HIC2: variants seen among roughly 807,000 people sequenced by gnomAD.
HIC2 encodes the protein HIC ZBTB transcriptional repressor 2.
A neutral mutation model predicts 39.5 loss-of-function variants in HIC2; 2 were observed. The observed-to-expected ratio is 0.05, with a 90% CI of 0.02 to 0.16. The LOEUF is 0.16. Among genes scored for constraint, HIC2 ranks in the 10% least tolerant of loss-of-function variants. HIC2 has a pLI of 1.00. For missense variants in HIC2, 713 were observed against 863.5 expected (o/e 0.83, Z 2.18); for synonymous variants, 399 against 368.8 (o/e 1.08, Z -0.94).
chr22:21,447,062 G>A lies in HIC2; in HGVS notation c.*319G>A, dbSNP rs962600065. 4 of 348,872 alleles carry A rather than the reference G, an allele frequency of 1.1e-5. No individual in the cohort carries two copies. Among genetic ancestry groups the A allele is most frequent in the Non-Finnish European group, 2.1e-5 (4 of 189,856 alleles). The allele number at this position is 348,872 out of a possible 1,614,324, so 21.6% of individuals were successfully genotyped here. A position where few individuals can be genotyped will look rare whatever the true frequency, so the allele number is the denominator to read the frequency against. ...GGACCTGGTCCCTTTGTTGCAGGCGGCTTGGAGAAAGGGCAGTGGGACGCT... is the reference window on the plus strand; with the variant it reads ...GGACCTGGTCCCTTTGTTGCAGGCGACTTGGAGAAAGGGCAGTGGGACGCT... On this transcript the variant is annotated 3_prime_UTR_variant, in exon 3 of 3. Transcript: ENST00000407464.
rs941902692 is a variant in HIC2 at position 21,448,945 on chromosome 22, T to C, written c.*2202T>C. The C allele has an allele frequency of 6.5e-6, 1 of 152,774 alleles. No homozygotes were observed. The highest frequency in any genetic ancestry group is 2.4e-5 in the African/African-American group (1 of 41,446). 9.5% of individuals were successfully genotyped at this position (152,774 alleles called of 1,614,324 possible). ...CAAAGTCTGTACCGCACGGGAAATG[T>C]TCACGCGCCTGGCCGTGTGCATGGC... is the stretch of plus-strand genomic sequence containing the variant. On this transcript the variant is annotated 3_prime_UTR_variant, in exon 3 of 3. Coordinates refer to ENST00000407464, the MANE Select transcript of HIC2 (RefSeq NM_015094.3).
chr22:21,421,681 T>C (rs1377641004), intron 1 of HIC2, among the ~76,000 whole-genome samples: 3 of 96,164 alleles, frequency 3.1e-5, no homozygotes, highest in African/African-American at 5.6e-5. Flanking sequence ...GGCACCGGTT[T>C]TTTGTGAGGT....
rs1377695631 is a variant in HIC2, at chr22:21,431,982, A to G, written c.-73-10777A>G. On this transcript the variant is annotated intron_variant, in intron 1 of 2. Transcript: ENST00000407464. ...CAAGACCCTGTCTCCAAACAATCAC[A>G]AAACTTCCAATGGATGCCGAACGTA... is the stretch of plus-strand genomic sequence containing the variant. Among the ~76,000 whole-genome samples the G allele has an allele frequency of 1.4e-5, 2 of 139,700 alleles. 1 individual carries two copies. Among genetic ancestry groups the G allele is most frequent in the East Asian group, 5.3e-4 (2 of 3,806 alleles). The allele number at this position is 139,700 out of a possible 152,430, so 91.6% of individuals were successfully genotyped here.
Position 21,450,334 on chromosome 22 carries a change from C to T in HIC2, c.*3591C>T, listed in dbSNP as rs1924104843. 6.5e-6 allele frequency: 1 copy of T among 152,862 alleles called. No individual in the cohort carries two copies. The highest frequency in any genetic ancestry group is 2.1e-4 in the South Asian group (1 of 4,836). 9.5% of individuals were successfully genotyped at this position (152,862 alleles called of 1,614,324 possible). ...CTGTGAAATGAACGATCCGGACCCTCACCAACTTTCCCCACCTCAGGCAGC... is the reference window on the plus strand; with the variant it reads ...CTGTGAAATGAACGATCCGGACCCTTACCAACTTTCCCCACCTCAGGCAGC... On this transcript the variant is annotated 3_prime_UTR_variant, in exon 3 of 3. Transcript: ENST00000407464.
At position 21,447,071 on chromosome 22, in the gene HIC2, A is replaced by C; in HGVS notation, c.*328A>C. On this transcript the variant is annotated 3_prime_UTR_variant, in exon 3 of 3. Coordinates refer to ENST00000407464, the MANE Select transcript of HIC2 (RefSeq NM_015094.3). ...CCCTTTGTTGCAGGCGGCTTGGAGA[A>C]AGGGCAGTGGGACGCTGGCCACGGC... 1 of 318,880 alleles carries C rather than the reference A, an allele frequency of 3.1e-6. No individual in the cohort carries two copies. The highest frequency in any genetic ancestry group is 5.9e-6 in the Non-Finnish European group (1 of 170,776). The allele number at this position is 318,880 out of a possible 1,614,324, so 19.8% of individuals were successfully genotyped here. A position where few individuals can be genotyped will look rare whatever the true frequency, so the allele number is the denominator to read the frequency against.
In HIC2 at chr22:21,432,270, G is replaced by A. The variant is rs1371924773; in HGVS notation, c.-73-10489G>A. Among the ~76,000 whole-genome samples the A allele has an allele frequency of 9.0e-4, 80 of 88,466 alleles. No individual in the cohort carries two copies. In the East Asian group the frequency reaches 0.028, roughly 31 times the overall value. The allele number at this position is 88,466 out of a possible 152,430, so 58.0% of individuals were successfully genotyped here. A position where few individuals can be genotyped will look rare whatever the true frequency, so the allele number is the denominator to read the frequency against. ...GCTGCCACCAGGACCTGCTGGAGGCGGTTGCTGGGAATTATTTGGTGTCCT... is the reference window on the plus strand; with the variant it reads ...GCTGCCACCAGGACCTGCTGGAGGCAGTTGCTGGGAATTATTTGGTGTCCT... On this transcript the variant is annotated intron_variant, in intron 1 of 2. Coordinates refer to ENST00000407464, the MANE Select transcript of HIC2 (RefSeq NM_015094.3).
At chr22:21,421,673 C>G (rs1459663702) in intron 1 of HIC2, among the ~76,000 whole-genome samples, 2 of 97,504 alleles carry the variant, frequency 2.1e-5, no homozygotes, top group Non-Finnish European at 5.7e-5. Context: ...TACCTAGAGG[C>G]ACCGGTTTTT....
Position 21,445,040 on chromosome 22 carries a change from A to G in HIC2, c.145A>G (p.Ile49Val). Residue 49 changes from isoleucine to valine, a missense_variant, in exon 3 of 3, where the codon ATC becomes GTC. Physicochemically the swap from Ile to Val is conservative, Grantham distance 29. Coordinates refer to ENST00000407464, the MANE Select transcript of HIC2 (RefSeq NM_015094.3). The stretch of plus-strand genomic sequence containing the variant: ...GACCAAGGGCTTCCTGTGTGACGTC[A>G]TCATCATGGTGGAGAACTCCATCTT... ...QRTKGFLCDV[I>V]IMVENSIFRA... 2.5e-6 allele frequency: 4 copies of G among 1,614,130 alleles called. No homozygotes were observed. Among genetic ancestry groups the G allele is most frequent in the Non-Finnish European group, 3.4e-6 (4 of 1,180,024 alleles).
rs1176273788 is a variant in HIC2, at chr22:21,446,711, A to G, written c.1816A>G (p.Ser606Gly). ...GTTCACCCAGCAGCGCAACCTCATC[A>G]GCCACCTGCGCATGCACACCTCCCC... is the stretch of plus-strand genomic sequence containing the variant. ...GKFTQQRNLI[S>G]HLRMHTSPS The change falls in exon 3 of 3, where the codon AGC (serine) becomes GGC (glycine). Residue 606 changes from serine to glycine, a missense_variant. Transcript: ENST00000407464. The G allele has an allele frequency of 6.2e-7, 1 of 1,610,700 alleles. No homozygotes were observed. Among genetic ancestry groups the G allele is most frequent in the South Asian group, 1.1e-5 (1 of 90,914 alleles).
intron 1 of HIC2, among the ~76,000 whole-genome samples, chr22:21,426,002 G>T (rs1295378342): frequency 6.6e-6 from 1 of 152,308 alleles, no homozygotes; most frequent in African/African-American, 2.4e-5. Flanking sequence ...TAGCCACCGC[G>T]CCTGGTGTAA....
chr22:21,447,323 TTGCTGTTATTCC>T lies in HIC2; in HGVS notation c.*582_*593del. On this transcript the variant is annotated 3_prime_UTR_variant, in exon 3 of 3. Transcript: ENST00000407464. ...ATCTAAAGAGCCCTCTGGGCCTGTG[TTGCTGTTATTCC>T]TACTGATCTGTTCCTCTGTTTTTCT... 6.5e-6 allele frequency: 1 copy of T among 154,004 alleles called. No homozygotes were observed. The highest frequency in any genetic ancestry group is 2.4e-5 in the African/African-American group (1 of 41,610). 9.5% of individuals were successfully genotyped at this position (154,004 alleles called of 1,614,324 possible). A position where few individuals can be genotyped will look rare whatever the true frequency, so the allele number is the denominator to read the frequency against.
chr22:21,444,231 G>T (rs1386704608), intron 2 of HIC2, among the ~76,000 whole-genome samples: 2 of 152,236 alleles, frequency 1.3e-5, no homozygotes, highest in South Asian at 4.1e-4. Flanking sequence ...TCCTAGAGAG[G>T]ACGGAGGGTT....
At position 21,446,785 on chromosome 22, in the gene HIC2, G is replaced by A. The variant is rs770105614; in HGVS notation, c.*42G>A. On this transcript the variant is annotated 3_prime_UTR_variant, in exon 3 of 3. Transcript: ENST00000407464. ...GGCGCCCTCTGCCACCTTGCTCCCC[G>A]GGAACCCATGGAAGGAGAAGCGAGG... The A allele has an allele frequency of 2.1e-5, 33 of 1,564,214 alleles. No individual in the cohort carries two copies. Among genetic ancestry groups the A allele is most frequent in the East Asian group, 1.8e-4 (8 of 44,406 alleles).
intron 2 of HIC2, among the ~76,000 whole-genome samples, chr22:21,444,181 C>T (rs1275951953): frequency 6.6e-6 from 1 of 152,240 alleles, no homozygotes; most frequent in African/African-American, 2.4e-5. Context: ...GTGATGGAGG[C>T]CAGCTGTCCA....
intron 2 of HIC2, among the ~76,000 whole-genome samples, chr22:21,443,587 C>T (rs985072372): frequency 6.6e-6 from 1 of 152,124 alleles, no homozygotes; most frequent in Non-Finnish European, 1.5e-5. Flanking sequence ...TCAGAGCTGC[C>T]TGTGGGCCCC....
rs1922906159 is a variant in HIC2, at chr22:21,417,452, G to A, written c.-182G>A. The stretch of plus-strand genomic sequence containing the variant: ...AGGCGGGGAGCCGAGCCGGGCTGGC[G>A]GCAGGCGGACGGGGCGGGCGCGTGC... On this transcript the variant is annotated 5_prime_UTR_variant, in exon 1 of 3. Transcript: ENST00000407464. The A allele has an allele frequency of 7.1e-6, 1 of 140,048 alleles. No individual in the cohort carries two copies. The highest frequency in any genetic ancestry group is 7.0e-5 in the Admixed American group (1 of 14,332). 8.7% of individuals were successfully genotyped at this position (140,048 alleles called of 1,614,324 possible).
Position 21,446,300 on chromosome 22 carries a change from C to A in HIC2, c.1405C>A (p.Leu469Met). 6.2e-7 allele frequency: 1 copy of A among 1,613,266 alleles called. No homozygotes were observed. The highest frequency in any genetic ancestry group is 1.1e-5 in the South Asian group (1 of 91,082). The change falls in exon 3 of 3, where the codon CTG becomes ATG. Residue 469 changes from leucine (L) to methionine (M), a missense_variant. Physicochemically the swap from Leu to Met is conservative, Grantham distance 15 (BLOSUM62 2). Around this residue, in one of 5 missense-constraint regions of HIC2, gnomAD observed 103 missense variants for 103.4 expected, o/e 1.00. Transcript: ENST00000407464. Reference protein sequence around the residue: ...AHVETHTEEELFIKEEGAYET... With the variant: ...AHVETHTEEEMFIKEEGAYET... Reference sequence around the variant, plus strand: ...CGTGGAGACTCACACGGAGGAAGAGCTGTTCATCAAGGAAGAGGGGGCCTA... The same window carrying A: ...CGTGGAGACTCACACGGAGGAAGAGATGTTCATCAAGGAAGAGGGGGCCTA...
chr22:21,446,469 A>G lies in HIC2; in HGVS notation c.1574A>G (p.Lys525Arg). 1 of 1,612,502 alleles carries G rather than the reference A, an allele frequency of 6.2e-7. No homozygotes were observed. The highest frequency in any genetic ancestry group is 1.1e-5 in the South Asian group (1 of 91,092). Residue 525 changes from lysine (K) to arginine (R), a missense_variant, in exon 3 of 3, where the codon AAG becomes AGG. By Grantham distance (26) the Lys-to-Arg change is conservative. Transcript: ENST00000407464. Reference sequence around the variant, plus strand: ...CCAGCCACGCTGCGGCAGCACGAGAAGACGCACTGGCTGACACGGCCCTTC... The same window carrying G: ...CCAGCCACGCTGCGGCAGCACGAGAGGACGCACTGGCTGACACGGCCCTTC... The part of the protein sequence containing the change: ...KDPATLRQHE[K>R]THWLTRPFPC...
Position 21,449,717 on chromosome 22 carries a change from C to T in HIC2, c.*2974C>T, listed in dbSNP as rs1924060777. On this transcript the variant is annotated 3_prime_UTR_variant, in exon 3 of 3. Transcript: ENST00000407464. ...AAGCCTCCCTGGAGTCACCTGAGCC[C>T]TCGTCCCCATTCCCAGGGCCCCTCC... The T allele has an allele frequency of 6.5e-6, 1 of 152,766 alleles. No homozygotes were observed. Among genetic ancestry groups the T allele is most frequent in the African/African-American group, 2.4e-5 (1 of 41,468 alleles). 9.5% of individuals were successfully genotyped at this position (152,766 alleles called of 1,614,324 possible).
Sources: gnomAD v4.1 joint callset for allele counts (sites outside exome capture counted in the v4.1 genomes callset) on GRCh38, gnomAD v4.1.1 for gene constraint, gnomAD v4.1.1 regional missense constraint, MANE v1.5 for transcripts, NCBI Gene and HGNC (gene_info 2026-07-23, HGNC 2026-07-21) for gene names.